Variants in KCNMB4 observed in about 807,000 individuals in gnomAD.
KCNMB4 encodes the protein potassium calcium-activated channel subfamily M regulatory beta subunit 4.
Under a neutral mutation model 20.7 loss-of-function variants are expected in KCNMB4, and 3 were observed. That is an observed-to-expected ratio of 0.14 (90% CI 0.07 to 0.37). The LOEUF (loss-of-function observed/expected upper bound fraction) is 0.37. Ranked by LOEUF, KCNMB4 falls within the 10% of genes least tolerant of loss-of-function variation. The pLI is 1.00. For synonymous variants in KCNMB4, 110 were observed against 113.4 expected (o/e 0.97, Z 0.19); for missense variants, 168 against 265.9 (o/e 0.63, Z 2.56).
Position 70,366,847 on chromosome 12 carries a change from G to C in KCNMB4, c.113G>C (p.Cys38Ser). The stretch of plus-strand genomic sequence containing the variant: ...GTGTCGCTCTTCATCTTCGGCTTCT[G>C]CTGGCTGAGTCCCGCGCTGCAGGAT... ...GVVSLFIFGF[C>S]WLSPALQDLQ... Residue 38 changes from cysteine (C) to serine (S), a missense_variant, in exon 1 of 3, where the codon TGC (cysteine) becomes TCC (serine). Coordinates refer to ENST00000258111, the MANE Select transcript of KCNMB4 (RefSeq NM_014505.6). The C allele has an allele frequency of 6.2e-7, 1 of 1,613,124 alleles. No homozygotes were observed. The highest frequency in any genetic ancestry group is 8.5e-7 in the Non-Finnish European group (1 of 1,179,926).
intron 1 of KCNMB4, among the ~76,000 whole-genome samples, chr12:70,382,624 T>A (rs1007399779): frequency 6.6e-6 from 1 of 152,034 alleles, no homozygotes; most frequent in East Asian, 1.9e-4. Context: ...AAGGGAAAAC[T>A]TACACATTTT....
intron 2 of KCNMB4, among the ~76,000 whole-genome samples, chr12:70,412,821 G>A: frequency 6.6e-6 from 1 of 152,080 alleles, no homozygotes; most frequent in East Asian, 1.9e-4. Flanking sequence ...TTGATATTTG[G>A]TAAAAATTAC....
At chr12:70,401,293 T>C (rs1868443083) in intron 2 of KCNMB4, among the ~76,000 whole-genome samples, 1 of 152,254 alleles carries the variant, frequency 6.6e-6, no homozygotes, top group Admixed American at 6.5e-5. Flanking sequence ...CCCAAAGTGC[T>C]GAAATTACAG....
intron 1 of KCNMB4, 60 bp from the exon 2 acceptor site, chr12:70,400,149 A>G: frequency 7.6e-7 from 1 of 1,309,064 alleles, no homozygotes. Context: ...CTATAAAAAA[A>G]GACTGTATCT....
intron 1 of KCNMB4, among the ~76,000 whole-genome samples, chr12:70,397,785 T>C (rs1197940473): frequency 6.6e-6 from 1 of 152,220 alleles, no homozygotes; most frequent in Non-Finnish European, 1.5e-5. Flanking sequence ...AAATCTGTTT[T>C]GATTACATGT....
chr12:70,408,130 G>A (rs2136133917), intron 2 of KCNMB4, among the ~76,000 whole-genome samples: 2 of 150,926 alleles, frequency 1.3e-5, no homozygotes, highest in Middle Eastern at 3.4e-3. Flanking sequence ...ATAGAAGCGG[G>A]GGTGGTCTAT....
At chr12:70,397,216 G>A (rs1188694482) in intron 1 of KCNMB4, among the ~76,000 whole-genome samples, 2 of 152,020 alleles carry the variant, frequency 1.3e-5, no homozygotes, top group African/African-American at 4.8e-5. Context: ...TGGGTGTGGT[G>A]GAGTAGCTGT....
rs79628269 is a variant in KCNMB4, at chr12:70,373,616, T to C, written c.336+6546T>C. Among the ~76,000 whole-genome samples, 1,179 of 152,306 alleles carry C rather than the reference T, an allele frequency of 7.7e-3. 11 individuals are homozygous for C. Among genetic ancestry groups the C allele is most frequent in the African/African-American group, 0.026 (1,064 of 41,576 alleles). On this transcript the variant is annotated intron_variant, in intron 1 of 2. Transcript: ENST00000258111. ...ATTTGTGCCATTTTAAGCCACTAAGTTTGTGTTACAGCAGCAATAGGAAAC... is the reference window on the plus strand; with the variant it reads ...ATTTGTGCCATTTTAAGCCACTAAGCTTGTGTTACAGCAGCAATAGGAAAC...
At chr12:70,370,784 A>T (rs1364857326) in intron 1 of KCNMB4, among the ~76,000 whole-genome samples, 1 of 151,518 alleles carries the variant, frequency 6.6e-6, no homozygotes, top group Non-Finnish European at 1.5e-5. Context: ...AAAAAAAAAA[A>T]GGTGAGTTTT....
intron 2 of KCNMB4, among the ~76,000 whole-genome samples, chr12:70,404,411 G>A (rs1353891829): frequency 6.6e-6 from 1 of 152,172 alleles, no homozygotes; most frequent in Non-Finnish European, 1.5e-5. Flanking sequence ...GCCTGCCATT[G>A]TGAATGACAT....
At chr12:70,411,639 C>T (rs1868780909) in intron 2 of KCNMB4, among the ~76,000 whole-genome samples, 1 of 152,050 alleles carries the variant, frequency 6.6e-6, no homozygotes, top group Admixed American at 6.6e-5. Flanking sequence ...CTAAATTTTA[C>T]ACATAAAAAT....
chr12:70,395,003 T>G (rs1868338854), intron 1 of KCNMB4, among the ~76,000 whole-genome samples: 1 of 152,130 alleles, frequency 6.6e-6, no homozygotes, highest in Non-Finnish European at 1.5e-5. Flanking sequence ...TTATACTTTT[T>G]ATTTCACAGT....
chr12:70,374,889 T>C (rs1883658799), intron 1 of KCNMB4, among the ~76,000 whole-genome samples: 1 of 152,162 alleles, frequency 6.6e-6, no homozygotes, highest in African/African-American at 2.4e-5. Flanking sequence ...GAAAACTAAA[T>C]CCTAGAAAGT....
chr12:70,397,934 G>A (rs1040524085), intron 1 of KCNMB4, among the ~76,000 whole-genome samples: 8 of 152,050 alleles, frequency 5.3e-5, no homozygotes, highest in South Asian at 2.1e-4. Flanking sequence ...TTTCTCCTTC[G>A]TAGAAGAGCA....
chr12:70,394,346 G>A (rs965680206), intron 1 of KCNMB4, among the ~76,000 whole-genome samples: 8 of 152,032 alleles, frequency 5.3e-5, no homozygotes, highest in African/African-American at 1.7e-4. Flanking sequence ...TCTAGGCTGG[G>A]CACTACTCTT....
chr12:70,378,831 C>T (rs972386940), intron 1 of KCNMB4, among the ~76,000 whole-genome samples: 4 of 152,164 alleles, frequency 2.6e-5, no homozygotes, highest in African/African-American at 9.7e-5. Flanking sequence ...GCCACCACAC[C>T]CAGCCCAAAG....
intron 1 of KCNMB4, among the ~76,000 whole-genome samples, chr12:70,391,903 C>A (rs1314611362): frequency 3.9e-5 from 6 of 152,192 alleles, no homozygotes; most frequent in African/African-American, 1.2e-4. Context: ...GGAGTGCCAA[C>A]ATCACATTGT....
At chr12:70,395,238 T>TACTA (rs1414144024) in intron 1 of KCNMB4, among the ~76,000 whole-genome samples, 1 of 152,116 alleles carries the variant, frequency 6.6e-6, no homozygotes, top group Non-Finnish European at 1.5e-5. Context: ...TGTCTTTCAG[T>TACTA]ACTACCCTCC....
Position 70,430,641 on chromosome 12 carries a change from C to CA in KCNMB4, c.623dup (p.Phe209ValfsTer78). 1 of 1,609,066 alleles carries CA rather than the reference C, an allele frequency of 6.2e-7. No individual in the cohort carries two copies. The highest frequency in any genetic ancestry group is 8.5e-7 in the Non-Finnish European group (1 of 1,178,758). On this transcript the variant is annotated frameshift_variant, in exon 3 of 3. Transcript: ENST00000258111. LOFTEE classifies it high-confidence loss of function. ...TCAAGGCGGAAGCCATGAAGAAGCG[C>CA]AAGTTCTCTTAAAGGGGAAGGAGGC...
Sources: gnomAD v4.1 joint callset for allele counts (sites outside exome capture counted in the v4.1 genomes callset) on GRCh38, gnomAD v4.1.1 for gene constraint, MANE v1.5 for transcripts, NCBI Gene and HGNC (gene_info 2026-07-23, HGNC 2026-07-21) for gene names.